The following TUT7 variants were observed in gnomAD, a reference collection of about 807,000 sequenced individuals.
TUT7 encodes the protein terminal uridylyltransferase 7.
Under a neutral mutation model 165.9 loss-of-function variants are expected in TUT7, and 33 were observed. That is an observed-to-expected ratio of 0.20 (90% confidence interval 0.15 to 0.27). The LOEUF (loss-of-function observed/expected upper bound fraction) is 0.27. TUT7 is among the 10% of genes least tolerant of loss of function. The pLI is 1.00. For missense variants in TUT7, 1,338 were observed against 1,762.3 expected (o/e 0.76, Z 4.31); for synonymous variants, 552 against 608.1 (o/e 0.91, Z 1.36).
intron 26 of TUT7, among the ~76,000 whole-genome samples, chr9:86,293,073 A>G (rs1444357348): frequency 6.6e-6 from 1 of 152,242 alleles, no homozygotes; most frequent in Admixed American, 6.5e-5. Context: ...TTTGGTAAGC[A>G]TGATAAGAAA....
intron 19 of TUT7, 126 bp from the exon 20 acceptor site, chr9:86,309,702 CA>C (rs1032565234): frequency 8.2e-5 from 77 of 937,208 alleles, no homozygotes; most frequent in Middle Eastern, 5.4e-4. Context: ...TTGTCAAAGG[CA>C]AAACCAATCC....
intron 5 of TUT7, among the ~76,000 whole-genome samples, chr9:86,344,194 G>A (rs1831558833): frequency 6.6e-6 from 1 of 152,078 alleles, no homozygotes; most frequent in Non-Finnish European, 1.5e-5. Context: ...ATCACTTGTC[G>A]AGCTTTGTAA....
intron 11 of TUT7, among the ~76,000 whole-genome samples, chr9:86,327,434 C>T (rs1829890066): frequency 6.6e-6 from 1 of 152,122 alleles, no homozygotes; most frequent in Non-Finnish European, 1.5e-5. Context: ...CAATATTATC[C>T]CCATGAGTAG....
intron 26 of TUT7, among the ~76,000 whole-genome samples, chr9:86,295,029 C>T (rs1392469049): frequency 2.6e-5 from 4 of 151,684 alleles, no homozygotes; most frequent in African/African-American, 9.7e-5. Flanking sequence ...AGCTTGTTGC[C>T]CCTGTCATTT....
At chr9:86,300,365 T>C (rs1826765447) in intron 26 of TUT7, among the ~76,000 whole-genome samples, 1 of 152,222 alleles carries the variant, frequency 6.6e-6, no homozygotes, top group Non-Finnish European at 1.5e-5. Context: ...TTAGGGAAAC[T>C]GTAAAGCAGC....
At chr9:86,315,293 G>C (rs1474826229) in intron 17 of TUT7, among the ~76,000 whole-genome samples, 1 of 152,142 alleles carries the variant, frequency 6.6e-6, no homozygotes, top group Non-Finnish European at 1.5e-5. Flanking sequence ...TAAATCATCT[G>C]TGTGCCTAAG....
intron 17 of TUT7, among the ~76,000 whole-genome samples, chr9:86,312,878 A>G (rs1828328904): frequency 6.6e-6 from 1 of 152,078 alleles, no homozygotes; most frequent in South Asian, 2.1e-4. Context: ...AGGGCGGTGC[A>G]AGATGTGCTT....
At chr9:86,301,204 G>A (rs1826858946) in intron 26 of TUT7, 72 bp downstream of exon 26, 1 of 1,315,600 alleles carries the variant, frequency 7.6e-7, no homozygotes, top group Non-Finnish European at 1.1e-6. Context: ...AACTAAAATA[G>A]TAAAGAGCTC....
chr9:86,332,801 C>T (rs1830436948), intron 10 of TUT7, among the ~76,000 whole-genome samples: 1 of 152,138 alleles, frequency 6.6e-6, no homozygotes, highest in Non-Finnish European at 1.5e-5. Flanking sequence ...TTAGGTCTAA[C>T]ATTTGAGTGT....
intron 5 of TUT7, 69 bp from the exon 6 acceptor site, chr9:86,343,232 T>C: frequency 1.0e-6 from 1 of 952,412 alleles, no homozygotes; most frequent in Non-Finnish European, 1.5e-6. Flanking sequence ...AACAAAACAC[T>C]GCTATTTCAG....
chr9:86,325,657 A>T (rs1356445310), intron 11 of TUT7, 143 bp from the exon 12 acceptor site: 2 of 708,042 alleles, frequency 2.8e-6, no homozygotes, highest in Non-Finnish European at 4.5e-6. Flanking sequence ...AGATAAATCA[A>T]TTCTAACTTC....
intron 15 of TUT7, 89 bp downstream of exon 15, chr9:86,319,495 T>A (rs922208619): frequency 1.1e-6 from 1 of 910,120 alleles, no homozygotes; most frequent in Non-Finnish European, 1.6e-6. Flanking sequence ...GAAATCCTGA[T>A]TCTCAAAATC....
intron 26 of TUT7, chr9:86,298,903 T>C: frequency 4.0e-6 from 3 of 754,004 alleles, no homozygotes; most frequent in Non-Finnish European, 4.8e-6. Flanking sequence ...ACCGAAACCA[T>C]ATCCAAGGAG....
rs1829432222 is a variant in TUT7 at position 86,322,752 on chromosome 9, A to G, written c.2877+121T>C. On this transcript the variant is annotated intron_variant, in intron 13 of 26. Coordinates refer to ENST00000375963, the MANE Select transcript of TUT7 (RefSeq NM_024617.4). ...CAGACCGAGCAGTCATATCAGAATGAAAGGCCAACTTGTTCAACACTACCA... is the reference window on the plus strand; with the variant it reads ...CAGACCGAGCAGTCATATCAGAATGGAAGGCCAACTTGTTCAACACTACCA... 3.3e-6 allele frequency: 4 copies of G among 1,205,266 alleles called. No individual in the cohort carries two copies. In the South Asian group the frequency reaches 6.5e-5, roughly 20 times the overall value. The allele number at this position is 1,205,266 out of a possible 1,614,324, so 74.7% of individuals were successfully genotyped here.
intron 26 of TUT7, among the ~76,000 whole-genome samples, chr9:86,290,092 C>T (rs76099580): frequency 2.0e-5 from 3 of 152,000 alleles, no homozygotes; most frequent in African/African-American, 7.3e-5. Flanking sequence ...AATACCTGCC[C>T]CCTTGAAGTT....
intron 26 of TUT7, among the ~76,000 whole-genome samples, chr9:86,295,749 G>T (rs967209549): frequency 6.6e-5 from 10 of 151,988 alleles, no homozygotes; most frequent in African/African-American, 2.4e-4. Context: ...ACATCACCAT[G>T]AGGGCAAAAA....
chr9:86,290,866 G>GA (rs564533855), intron 26 of TUT7, among the ~76,000 whole-genome samples: 24 of 147,346 alleles, frequency 1.6e-4, no homozygotes, highest in African/African-American at 5.0e-4. Flanking sequence ...TCTCAAAAAA[G>GA]AAAAAAAAAG....
intron 10 of TUT7, among the ~76,000 whole-genome samples, chr9:86,333,915 T>C (rs919789839): frequency 2.0e-5 from 3 of 152,222 alleles, no homozygotes; most frequent in Non-Finnish European, 2.9e-5. Flanking sequence ...GTCCTTGTTT[T>C]TGTCTCCCTT....
chr9:86,329,108 T>G (rs1830072411), intron 10 of TUT7, among the ~76,000 whole-genome samples: 1 of 152,264 alleles, frequency 6.6e-6, no homozygotes, highest in African/African-American at 2.4e-5. Context: ...GTAAATTTTA[T>G]GTGCTATTAA....
Sources: allele counts gnomAD v4.1 joint callset (sites outside exome capture counted in the v4.1 genomes callset), GRCh38; gene constraint gnomAD v4.1.1; transcripts MANE v1.5; gene names NCBI Gene and HGNC (gene_info 2026-07-23, HGNC 2026-07-21).